PKM: variants seen among roughly 807,000 people sequenced by gnomAD.
PKM encodes the protein pyruvate kinase M1/2.
A neutral mutation model predicts 49.8 loss-of-function variants in PKM; 18 were observed. That is an observed-to-expected ratio of 0.36 (90% CI 0.25 to 0.54). PKM has a LOEUF of 0.54. Among genes scored for constraint, PKM ranks in the 20% least tolerant of loss-of-function variants. PKM has a pLI of 0.89. For missense variants in PKM, 508 were observed against 713.8 expected (o/e 0.71, Z 3.28); for synonymous variants, 239 against 261.8 (o/e 0.91, Z 0.84).
At chr15:72,209,439 A>ATG (rs34810448) in intron 5 of PKM, 1 of 18,020 alleles carries the variant, frequency 5.5e-5, no homozygotes, top group African/African-American at 2.2e-4. Context: ...ATATATATAT[A>ATG]TGTATATATA....
chr15:72,199,930 C>T (rs1360586469), intron 10 of PKM, among the ~76,000 whole-genome samples, 174 bp from the exon 11 acceptor site: 3 of 152,118 alleles, frequency 2.0e-5, no homozygotes, highest in Non-Finnish European at 4.4e-5. Flanking sequence ...CCTGAAATGT[C>T]CTTATCACTC....
At chr15:72,207,304 G>C in intron 6 of PKM, 27 bp from the exon 7 acceptor site, 1 of 1,611,784 alleles carries the variant, frequency 6.2e-7, no homozygotes, top group Non-Finnish European at 8.5e-7. Context: ...GGGGGAGAGA[G>C]GTTATATAGA....
At chr15:72,204,205 T>A (rs1304308922) in intron 8 of PKM, 2 of 152,306 alleles carry the variant, frequency 1.3e-5, no homozygotes, top group Admixed American at 1.3e-4. Flanking sequence ...CTGCATCAGT[T>A]AGACACAGGA....
chr15:72,210,326 C>T (rs749804111), intron 4 of PKM, 21 bp downstream of exon 4: 14 of 1,611,734 alleles, frequency 8.7e-6, no homozygotes, highest in Non-Finnish European at 1.1e-5. Flanking sequence ...GCCTTCCCCT[C>T]GCTCTCCGCA....
chr15:72,216,835 A>T (rs748515066), intron 3 of PKM, among the ~76,000 whole-genome samples: 2 of 152,180 alleles, frequency 1.3e-5, no homozygotes, highest in Admixed American at 6.5e-5. Context: ...AAGAGTGCTA[A>T]CTGGTGTTAT....
intron 1 of PKM, among the ~76,000 whole-genome samples, chr15:72,219,885 A>C (rs2082477950): frequency 6.6e-6 from 1 of 152,196 alleles, no homozygotes; most frequent in African/African-American, 2.4e-5. Flanking sequence ...ACACATCCTG[A>C]TTTCTTTTCT....
At chr15:72,208,319 G>A (rs947080069) in intron 6 of PKM, among the ~76,000 whole-genome samples, 2 of 152,016 alleles carry the variant, frequency 1.3e-5, no homozygotes, top group Non-Finnish European at 2.9e-5. Context: ...GAACATCATG[G>A]CCCCTGGTCC....
At chr15:72,229,415 G>T (rs1191875397) in intron 1 of PKM, 2 of 420,718 alleles carry the variant, frequency 4.8e-6, no homozygotes, top group Non-Finnish European at 9.2e-6. Context: ...GATTCTAAAC[G>T]CCTTTTTGAC....
At chr15:72,214,911 T>G (rs1167220227) in intron 3 of PKM, among the ~76,000 whole-genome samples, 1 of 152,218 alleles carries the variant, frequency 6.6e-6, no homozygotes. Flanking sequence ...GAAGACTAGT[T>G]GCCAAAGCTG....
chr15:72,218,894 G>A, intron 2 of PKM, 50 bp downstream of exon 2: 1 of 1,588,434 alleles, frequency 6.3e-7, no homozygotes, highest in African/African-American at 1.3e-5. Context: ...AGGAGAGAAA[G>A]GTCACTGCCC....
At chr15:72,230,880 AAAGGAGCCGGCGGACCCGCCTGATCTGG>A in intron 1 of PKM, 2 of 1,270,176 alleles carry the variant, frequency 1.6e-6, no homozygotes, top group Non-Finnish European at 2.1e-6. Context: ...CTGGGGCGGG[AAAGGAGCCGGCGGACCCGCCTGATCTGG>A]AAGGAACGGC....
chr15:72,200,926 A>C lies in PKM; in HGVS notation c.1308-271T>G. The C allele has an allele frequency of 2.4e-6, 1 of 420,190 alleles. No individual in the cohort carries two copies. The highest frequency in any genetic ancestry group is 4.4e-6 in the Non-Finnish European group (1 of 229,740). 26.0% of individuals were successfully genotyped at this position (420,190 alleles called of 1,614,324 possible). A position where few individuals can be genotyped will look rare whatever the true frequency, so the allele number is the denominator to read the frequency against. On this transcript the variant is annotated intron_variant, in intron 9 of 10. Transcript: ENST00000335181. The surrounding 1 kb of genome is among the most constrained non-coding windows in gnomAD (Gnocchi z 4.6). Reference sequence around the variant, plus strand: ...CCAGCAAGATCAGCCTCACCCACTTACCCCACACAGCCCATGGTTGGCAGA... The same window carrying C: ...CCAGCAAGATCAGCCTCACCCACTTCCCCCACACAGCCCATGGTTGGCAGA...
chr15:72,228,727 C>A (rs1278382179), intron 1 of PKM: 2 of 721,472 alleles, frequency 2.8e-6, no homozygotes, highest in Non-Finnish European at 4.1e-6. Flanking sequence ...CTCAGGCCAC[C>A]AAAGGGCAAA....
chr15:72,206,981 T>C, intron 7 of PKM, 101 bp from the exon 8 acceptor site: 6 of 1,485,780 alleles, frequency 4.0e-6, no homozygotes, highest in South Asian at 3.4e-5. Flanking sequence ...ACACAGAGTA[T>C]GGCTTTGTGT....
At position 72,225,381 on chromosome 15, in the gene PKM, G is replaced by A. The variant is rs568403218; in HGVS notation, c.-14+5735C>T. Among the ~76,000 whole-genome samples the A allele has an allele frequency of 3.3e-5, 5 of 150,298 alleles. No individual in the cohort carries two copies. In the East Asian group the frequency reaches 5.9e-4, roughly 18 times the overall value. On this transcript the variant is annotated intron_variant, in intron 1 of 10. Coordinates refer to ENST00000335181, the MANE Select transcript of PKM (RefSeq NM_002654.6). Reference sequence around the variant, plus strand: ...ATTTAAATAGAGATGGGAATCTTGCGATGTTGCCCAGGCTGGTCTCGACCT... The same window carrying A: ...ATTTAAATAGAGATGGGAATCTTGCAATGTTGCCCAGGCTGGTCTCGACCT...
chr15:72,221,936 A>T (rs1480351488), intron 1 of PKM, among the ~76,000 whole-genome samples: 1 of 152,022 alleles, frequency 6.6e-6, no homozygotes, highest in Admixed American at 6.5e-5. Flanking sequence ...AAAAAAAAAA[A>T]AAAAAAGTCC....
chr15:72,200,712 C>A lies in PKM; in HGVS notation c.1308-57G>T. On this transcript the variant is annotated intron_variant, in intron 9 of 10. Coordinates refer to ENST00000335181, the MANE Select transcript of PKM (RefSeq NM_002654.6). This position sits in a 1 kb window ranked among gnomAD's most constrained non-coding sequence, Gnocchi z 4.6. ...CCATTACACGAGGCCCCAGGAAGTACCCTCAGGGCGTTCAAACAGCTCACC... is the reference window on the plus strand; with the variant it reads ...CCATTACACGAGGCCCCAGGAAGTAACCTCAGGGCGTTCAAACAGCTCACC... The A allele has an allele frequency of 6.8e-7, 1 of 1,476,234 alleles. No homozygotes were observed. Among genetic ancestry groups the A allele is most frequent in the East Asian group, 2.3e-5 (1 of 43,942 alleles). 91.4% of individuals were successfully genotyped at this position (1,476,234 alleles called of 1,614,324 possible).
chr15:72,208,753 T>A lies in PKM; in HGVS notation c.704A>T (p.Gln235Leu), dbSNP rs149152236. 3 of 1,614,082 alleles carry A rather than the reference T, an allele frequency of 1.9e-6. No individual in the cohort carries two copies. The African/African-American group carries it at 4.0e-5, about 22-fold the overall frequency. The part of the protein sequence containing the change: ...DIQDLKFGVE[Q>L]DVDMVFASFI... ...TGACGCAAACACCATATCAACATCC[T>A]GCTCGACCCCAAACTTCAGATCCTG... The change falls in exon 6 of 11, where the codon CAG becomes CTG. Residue 235 changes from glutamine (Q) to leucine (L), a missense_variant. Gln to Leu is a moderately radical substitution (Grantham distance 113). Coordinates refer to ENST00000335181, the MANE Select transcript of PKM (RefSeq NM_002654.6).
At chr15:72,225,088 A>ATT (rs59687887) in intron 1 of PKM, among the ~76,000 whole-genome samples, 9 of 116,644 alleles carry the variant, frequency 7.7e-5, no homozygotes, top group South Asian at 2.9e-4. Flanking sequence ...GGCCCGGCTA[A>ATT]TTTTTTTTTT....
Sources: gnomAD v4.1 joint callset for allele counts (sites outside exome capture counted in the v4.1 genomes callset) on GRCh38, gnomAD v4.1.1 for gene constraint, Gnocchi (gnomAD v3.1) non-coding constraint, MANE v1.5 for transcripts, NCBI Gene and HGNC (gene_info 2026-07-23, HGNC 2026-07-21) for gene names.